SPATA13: variants seen among roughly 807,000 people sequenced by gnomAD.
SPATA13 encodes the protein spermatogenesis associated 13, also known as spermatogenesis-associated protein 13.
SPATA13 carries 50 observed loss-of-function variants against 104.0 expected under a neutral mutation model. The ratio of observed to expected loss-of-function variants is 0.48; its 90% CI spans 0.38 to 0.61. The LOEUF is 0.61. Among genes scored for constraint, SPATA13 ranks in the 20% least tolerant of loss-of-function variants. SPATA13 has a pLI of 0.00. For missense variants in SPATA13, 1,524 were observed against 1,690.6 expected (o/e 0.90, Z 1.73); for synonymous variants, 606 against 667.5 (o/e 0.91, Z 1.42).
At chr13:24,206,477 G>GT (rs1870703332) in intron 1 of SPATA13, among the ~76,000 whole-genome samples, 1 of 152,204 alleles carries the variant, frequency 6.6e-6, no homozygotes, top group African/African-American at 2.4e-5. Flanking sequence ...GTATAAATTA[G>GT]TTCAGCCCTT....
At chr13:24,234,897 C>T (rs1872493879) in intron 2 of SPATA13, among the ~76,000 whole-genome samples, 1 of 152,112 alleles carries the variant, frequency 6.6e-6, no homozygotes, top group African/African-American at 2.4e-5. Context: ...TGAGTTCTGT[C>T]CTAGTTTTAT....
At chr13:24,110,619 C>T (rs1880608632) in intron 3 of SPATA13, among the ~76,000 whole-genome samples, 1 of 152,000 alleles carries the variant, frequency 6.6e-6, no homozygotes, top group Non-Finnish European at 1.5e-5. Context: ...AAACCTTGAG[C>T]AAACACTTGC....
intron 1 of SPATA13, among the ~76,000 whole-genome samples, chr13:24,219,614 A>G (rs1205873957): frequency 6.6e-6 from 1 of 152,266 alleles, no homozygotes; most frequent in Non-Finnish European, 1.5e-5. Flanking sequence ...GTTTGAAGGC[A>G]GCCATATAAA....
At chr13:24,106,313 G>A (rs1334743849) in intron 3 of SPATA13, among the ~76,000 whole-genome samples, 1 of 152,182 alleles carries the variant, frequency 6.6e-6, no homozygotes, top group Non-Finnish European at 1.5e-5. Flanking sequence ...GATTACAGTT[G>A]TGAGCTACCT....
chr13:24,286,809 C>T lies in SPATA13; in HGVS notation c.2526C>T (p.Thr842=). The part of the protein sequence containing the change: ...QEELSENSSS[T]PSEEQDEEAS... ...AGCTGTCGGAAAACTCCAGCAGCAC[C>T]CCCAGTGAGGAGCAGGACGAGGAGG... Residue 842 remains threonine (T), a synonymous_variant, in exon 7 of 13, where the codon ACC becomes ACT. Transcript: ENST00000382108. This position sits in a 1 kb window ranked among gnomAD's most constrained non-coding sequence, Gnocchi z 4.9. The T allele has an allele frequency of 6.2e-7, 1 of 1,613,576 alleles. No homozygotes were observed. The highest frequency in any genetic ancestry group is 8.5e-7 in the Non-Finnish European group (1 of 1,179,970).
chr13:24,173,343 C>G (rs1315425824), intron 1 of SPATA13, among the ~76,000 whole-genome samples: 2 of 147,040 alleles, frequency 1.4e-5, no homozygotes, highest in African/African-American at 5.1e-5. Context: ...CCTTGTGGAA[C>G]TCACTCATTA....
chr13:24,097,917 CAG>C (rs1318545771), intron 3 of SPATA13, among the ~76,000 whole-genome samples: 5 of 152,146 alleles, frequency 3.3e-5, no homozygotes, highest in African/African-American at 9.7e-5. Context: ...TGGGAGATGA[CAG>C]AGTCAGGAAG....
chr13:24,289,088 A>G lies in SPATA13; in HGVS notation c.2757A>G (p.Lys919=), dbSNP rs1316204170. 23 of 1,613,918 alleles carry G rather than the reference A, an allele frequency of 1.4e-5. No individual in the cohort carries two copies. The highest frequency in any genetic ancestry group is 1.9e-5 in the Non-Finnish European group (23 of 1,179,990). The change falls in exon 8 of 13, where the codon AAA becomes AAG. Residue 919 remains lysine (K), a synonymous_variant. Transcript: ENST00000382108. ...TTGGAAACATTGAAGATATTTACAA[A>G]TTCCAAAGAAAGTTTCTGAAAGACC... The part of the protein sequence containing the change: ...TIFGNIEDIY[K]FQRKFLKDLE...
intron 3 of SPATA13, among the ~76,000 whole-genome samples, chr13:24,028,930 G>A (rs56678093): frequency 0.13 from 19,487 of 151,944 alleles, 1,731 homozygotes; most frequent in East Asian, 0.51. Context: ...ACATGAAAAT[G>A]TTTTATAATC....
chr13:24,151,673 G>T (rs897951566), intron 3 of SPATA13, among the ~76,000 whole-genome samples: 9 of 151,954 alleles, frequency 5.9e-5, no homozygotes, highest in African/African-American at 2.2e-4. Flanking sequence ...ACCAGCTGTG[G>T]GTACATCACC....
chr13:24,206,394 T>C (rs1870697786), intron 1 of SPATA13, among the ~76,000 whole-genome samples: 1 of 152,092 alleles, frequency 6.6e-6, no homozygotes, highest in African/African-American at 2.4e-5. Flanking sequence ...ATGACTGTTA[T>C]CAAAAAGTCA....
chr13:24,044,088 C>T lies in SPATA13; in HGVS notation c.-112+26387C>T, dbSNP rs147054564. On this transcript the variant is annotated intron_variant, in intron 3 of 14. Coordinates refer to the SPATA13 transcript ENST00000424834. ...TCTTCCATGTTGAGAAGCTAAAGCCCGGAAGGTGGAGGGCTCCTGCCCTGG... is the reference window on the plus strand; with the variant it reads ...TCTTCCATGTTGAGAAGCTAAAGCCTGGAAGGTGGAGGGCTCCTGCCCTGG... 1.3e-4 allele frequency among the ~76,000 whole-genome samples: 20 copies of T among 152,246 alleles called. No individual in the cohort carries two copies. In the East Asian group the frequency reaches 2.9e-3, roughly 22 times the overall value.
chr13:24,166,015 G>C (rs957552576), intron 1 of SPATA13, among the ~76,000 whole-genome samples: 1 of 152,180 alleles, frequency 6.6e-6, no homozygotes, highest in African/African-American at 2.4e-5. Flanking sequence ...CCCTTCCTGG[G>C]GGGTGGAGTG....
At chr13:23,999,368 C>CAAAGAAAAA (rs775218292) in intron 2 of SPATA13, among the ~76,000 whole-genome samples, 1 of 94,364 alleles carries the variant, frequency 1.1e-5, no homozygotes, top group Non-Finnish European at 2.1e-5. Flanking sequence ...CATTTTCTAC[C>CAAAGAAAAA]AAAAAAAAAA....
chr13:24,072,935 A>C lies in SPATA13; in HGVS notation c.-112+55234A>C, dbSNP rs79478800. ...AGATGACTCCAGCCCATATGTGAAAACCAGGTAAACTCGCAAACTCTATAT... is the reference window on the plus strand; with the variant it reads ...AGATGACTCCAGCCCATATGTGAAACCCAGGTAAACTCGCAAACTCTATAT... On this transcript the variant is annotated intron_variant, in intron 3 of 14. Transcript: ENST00000424834. Among the ~76,000 whole-genome samples the C allele has an allele frequency of 1.4e-3, 217 of 150,666 alleles. 2 individuals are homozygous for C. Among genetic ancestry groups the C allele is most frequent in the African/African-American group, 5.0e-3 (204 of 41,104 alleles).
At chr13:24,226,049 A>G (rs958676755) in intron 2 of SPATA13, among the ~76,000 whole-genome samples, 7 of 152,190 alleles carry the variant, frequency 4.6e-5, no homozygotes, top group Non-Finnish European at 7.3e-5. Context: ...GGTAGTCCCA[A>G]TGAGTGGCGG....
In SPATA13 at chr13:24,075,017, T is replaced by G. The variant is rs74382575; in HGVS notation, c.-112+57316T>G. Among the ~76,000 whole-genome samples the G allele has an allele frequency of 5.7e-3, 873 of 152,302 alleles. 17 individuals are homozygous for G. The East Asian group carries it at 0.062, about 11-fold the overall frequency. On this transcript the variant is annotated intron_variant, in intron 3 of 14. Coordinates refer to the SPATA13 transcript ENST00000424834. ...TGTTTACACCTGCAGTTTGGTTATG[T>G]TTTCCTCTGTATGGAAAAACCCTTA...
rs1436653755 is a variant in SPATA13 at position 24,051,992 on chromosome 13, A to G, written c.-112+34291A>G. Among the ~76,000 whole-genome samples, 1 of 152,110 alleles carries G rather than the reference A, an allele frequency of 6.6e-6. No homozygotes were observed. The highest frequency in any genetic ancestry group is 1.5e-5 in the Non-Finnish European group (1 of 68,018). ...TCCCACCTCATCTGTGCACCTTGCC[A>G]GTCCTTTGGCTTCCTCTGCGTGCAC... On this transcript the variant is annotated intron_variant, in intron 3 of 14. Coordinates refer to the SPATA13 transcript ENST00000424834. This position sits in a 1 kb window ranked among gnomAD's most constrained non-coding sequence, Gnocchi z 4.2.
At position 23,996,466 on chromosome 13, in the gene SPATA13, TG is replaced by T. The variant is rs577670812; in HGVS notation, c.-147+12537del. On this transcript the variant is annotated intron_variant, in intron 2 of 14. Transcript: ENST00000424834. ...CAGAAGAGGTTCAGAGTGACTGAACTGGGGCTGTCACATGGTCAGATAATAT... is the reference window on the plus strand; with the variant it reads ...CAGAAGAGGTTCAGAGTGACTGAACTGGGCTGTCACATGGTCAGATAATAT... Among the ~76,000 whole-genome samples the T allele has an allele frequency of 1.3e-3, 198 of 152,292 alleles. 1 individual carries two copies. The highest frequency in any genetic ancestry group is 4.5e-3 in the African/African-American group (188 of 41,564).
Sources: allele counts gnomAD v4.1 joint callset (sites outside exome capture counted in the v4.1 genomes callset), GRCh38; gene constraint gnomAD v4.1.1; non-coding constraint Gnocchi (gnomAD v3.1); transcripts MANE v1.5; gene names NCBI Gene and HGNC (gene_info 2026-07-23, HGNC 2026-07-21).